Variants in ASB5 observed in about 807,000 individuals in gnomAD.
ASB5 encodes the protein ankyrin repeat and SOCS box containing 5.
A neutral mutation model predicts 42.1 loss-of-function variants in ASB5; 45 were observed. The observed-to-expected ratio is 1.07, with a 90% CI of 0.84 to 1.37. The LOEUF (loss-of-function observed/expected upper bound fraction) is 1.37, where lower values mean the gene tolerates loss of function less well. Among genes scored for constraint, ASB5 ranks in the 40% most tolerant of loss-of-function variants. ASB5 has a pLI of 0.00. For missense variants in ASB5, 402 were observed against 399.8 expected (o/e 1.01, Z -0.05); for synonymous variants, 147 against 150.6 (o/e 0.98, Z 0.18).
Position 176,221,168 on chromosome 4 carries a change from C to A in ASB5, c.657G>T (p.Lys219Asn). The A allele has an allele frequency of 1.2e-6, 2 of 1,612,934 alleles. No individual in the cohort carries two copies. Among genetic ancestry groups the A allele is most frequent in the Non-Finnish European group, 1.7e-6 (2 of 1,179,626 alleles). Residue 219 changes from lysine (K) to asparagine (N), a missense_variant, in exon 5 of 7, where the codon AAG becomes AAT. Physicochemically the swap from Lys to Asn is moderately conservative, Grantham distance 94 (BLOSUM62 0). Coordinates refer to ENST00000296525, the MANE Select transcript of ASB5 (RefSeq NM_080874.4). ...AAAGGAAAATACCAGCATAAAGAAG[C>A]TTCCAGATGCAATGGAATTGCTGTG... ...CMSQQFHCIW[K>N]LLYAGADVQK...
At chr4:176,273,456 G>T (rs551879671), upstream of ASB5, among the ~76,000 whole-genome samples, 2 of 151,334 alleles carry the variant, frequency 1.3e-5, no homozygotes, top group African/African-American at 4.9e-5. Context: ...GTGAAATCTC[G>T]TGAGAAAAAA....
chr4:176,269,405 T>C (rs780050072), upstream of ASB5, among the ~76,000 whole-genome samples: 14 of 152,222 alleles, frequency 9.2e-5, no homozygotes, highest in Non-Finnish European at 1.8e-4. Flanking sequence ...GATATTGAAA[T>C]ATATATGCAT....
chr4:176,214,959 C>T lies in ASB5; in HGVS notation c.*641G>A, dbSNP rs1752926065. 6.7e-6 allele frequency: 1 copy of T among 149,868 alleles called. No individual in the cohort carries two copies. 9.3% of individuals were successfully genotyped at this position (149,868 alleles called of 1,614,324 possible). A position where few individuals can be genotyped will look rare whatever the true frequency, so the allele number is the denominator to read the frequency against. ...GGGTGAGAGGGCAGTATTGACCTTT[C>T]ATCCTATCACTTTTCTGTAACAAGT... is the stretch of plus-strand genomic sequence containing the variant. On this transcript the variant is annotated 3_prime_UTR_variant, in exon 7 of 7. Transcript: ENST00000296525.
At chr4:176,271,331 G>A (rs918546003), upstream of ASB5, among the ~76,000 whole-genome samples, 3 of 152,186 alleles carry the variant, frequency 2.0e-5, no homozygotes, top group South Asian at 2.1e-4. Context: ...TATTATAAAC[G>A]CTTCCAAATA....
upstream of ASB5, among the ~76,000 whole-genome samples, chr4:176,272,571 C>G (rs1754488655): frequency 6.6e-6 from 1 of 152,136 alleles, no homozygotes; most frequent in African/African-American, 2.4e-5. Flanking sequence ...TATCAGAGGA[C>G]AGACTGTACA....
chr4:176,221,988 T>C (rs1753226784), intron 3 of ASB5, among the ~76,000 whole-genome samples: 1 of 152,194 alleles, frequency 6.6e-6, no homozygotes, highest in Admixed American at 6.5e-5. Context: ...GTTCTATTTC[T>C]GAGACTTTAT....
At chr4:176,263,778 G>A (rs898956567) in intron 1 of ASB5, among the ~76,000 whole-genome samples, 1 of 152,126 alleles carries the variant, frequency 6.6e-6, no homozygotes, top group East Asian at 1.9e-4. Context: ...AAAGTCACAG[G>A]AAACAAGTTG....
At chr4:176,217,416 T>C (rs760764403) in intron 5 of ASB5, among the ~76,000 whole-genome samples, 3 of 152,206 alleles carry the variant, frequency 2.0e-5, no homozygotes, top group Non-Finnish European at 4.4e-5. Flanking sequence ...TTTAGAATTA[T>C]TCAGGTGCTT....
intron 1 of ASB5, among the ~76,000 whole-genome samples, chr4:176,242,593 G>A (rs903833009): frequency 2.0e-5 from 3 of 152,052 alleles, no homozygotes; most frequent in African/African-American, 7.3e-5. Flanking sequence ...TGCTATTATA[G>A]TCTCTTCCTC....
chr4:176,263,510 T>C (rs1754301908), intron 1 of ASB5, among the ~76,000 whole-genome samples: 1 of 152,044 alleles, frequency 6.6e-6, no homozygotes. Context: ...GAAAAAAAAA[T>C]AGTAGCACTT....
intron 1 of ASB5, among the ~76,000 whole-genome samples, chr4:176,233,457 G>A (rs4478128): frequency 0.92 from 139,623 of 152,258 alleles, 64,159 homozygotes; most frequent in Non-Finnish European, 0.93. Flanking sequence ...CTAAAAGCCA[G>A]CATCTTTCTC....
rs1181637926 is a variant in ASB5 at position 176,214,311 on chromosome 4, C to G, written c.*1289G>C. 1 of 152,058 alleles carries G rather than the reference C, an allele frequency of 6.6e-6. No individual in the cohort carries two copies. Among genetic ancestry groups the G allele is most frequent in the Non-Finnish European group, 1.5e-5 (1 of 67,988 alleles). 9.4% of individuals were successfully genotyped at this position (152,058 alleles called of 1,614,324 possible). A position where few individuals can be genotyped will look rare whatever the true frequency, so the allele number is the denominator to read the frequency against. Reference sequence around the variant, plus strand: ...TTTACTTTATCAAAATTTAATAAATCTATAAAACTCACCCAAAGTTGCTTT... The same window carrying G: ...TTTACTTTATCAAAATTTAATAAATGTATAAAACTCACCCAAAGTTGCTTT... On this transcript the variant is annotated 3_prime_UTR_variant, in exon 7 of 7. Coordinates refer to ENST00000296525, the MANE Select transcript of ASB5 (RefSeq NM_080874.4).
chr4:176,243,320 C>G (rs570360359), intron 1 of ASB5, among the ~76,000 whole-genome samples: 1 of 152,244 alleles, frequency 6.6e-6, no homozygotes, highest in African/African-American at 2.4e-5. Context: ...ATGAAGATGT[C>G]TGTCTGCATA....
chr4:176,248,928 G>T (rs558349152), intron 1 of ASB5, among the ~76,000 whole-genome samples: 1 of 152,108 alleles, frequency 6.6e-6, no homozygotes, highest in South Asian at 2.1e-4. Flanking sequence ...GTTCTATTTC[G>T]TGACTTGAAT....
chr4:176,232,915 A>G (rs1387542344), intron 1 of ASB5, among the ~76,000 whole-genome samples: 2 of 152,204 alleles, frequency 1.3e-5, no homozygotes. Flanking sequence ...ATTACTGATC[A>G]CTGGTGCCAT....
At chr4:176,222,947 T>G (rs1753264628) in intron 2 of ASB5, among the ~76,000 whole-genome samples, 1 of 150,746 alleles carries the variant, frequency 6.6e-6, no homozygotes, top group Non-Finnish European at 1.5e-5. Flanking sequence ...CGGGCTAATT[T>G]TTTTGTATTT....
intron 1 of ASB5, among the ~76,000 whole-genome samples, chr4:176,249,758 A>G (rs1579328737): frequency 6.6e-6 from 1 of 152,284 alleles, no homozygotes; most frequent in East Asian, 1.9e-4. Context: ...AAGTGACCTT[A>G]GGCGATCCTT....
rs994215712 is a variant in ASB5, at chr4:176,216,193, A to G, written c.863-466T>C. On this transcript the variant is annotated intron_variant, in intron 6 of 6. Transcript: ENST00000296525. ...ACTAATTTTATTTCTATAATATGTTATAGAAGGTTCATGTCCTTATAAAAT... is the reference window on the plus strand; with the variant it reads ...ACTAATTTTATTTCTATAATATGTTGTAGAAGGTTCATGTCCTTATAAAAT... 3.9e-5 allele frequency among the ~76,000 whole-genome samples: 6 copies of G among 152,180 alleles called. No individual in the cohort carries two copies. The East Asian group carries it at 9.6e-4, about 24-fold the overall frequency.
intron 5 of ASB5, among the ~76,000 whole-genome samples, chr4:176,219,191 AATAT>A (rs1343562708): frequency 8.4e-6 from 1 of 118,734 alleles, no homozygotes; most frequent in Admixed American, 1.0e-4. Flanking sequence ...ATGACATATA[AATAT>A]ATATATTTGT....
Sources: allele counts gnomAD v4.1 joint callset (sites outside exome capture counted in the v4.1 genomes callset), GRCh38; gene constraint gnomAD v4.1.1; transcripts MANE v1.5; gene names NCBI Gene and HGNC (gene_info 2026-07-23, HGNC 2026-07-21).